The following FKTN variants were observed in gnomAD, a reference collection of about 807,000 sequenced individuals.
FKTN encodes the protein ribitol-5-phosphate transferase FKTN.
A neutral mutation model predicts 58.6 loss-of-function variants in FKTN; 47 were observed. The observed-to-expected ratio is 0.80, with a 90% CI of 0.63 to 1.02. The LOEUF (loss-of-function observed/expected upper bound fraction) is 1.02. Ranked by LOEUF, FKTN falls within the 50% of genes least tolerant of loss-of-function variation. The pLI, the probability that FKTN is intolerant of heterozygous loss-of-function variation, is 0.00. For missense variants in FKTN, 516 were observed against 537.3 expected (o/e 0.96, Z 0.39); for synonymous variants, 178 against 191.9 (o/e 0.93, Z 0.60).
At chr9:105,608,098 T>A in intron 7 of FKTN, 147 bp downstream of exon 7, 1 of 683,834 alleles carries the variant, frequency 1.5e-6, no homozygotes, top group Admixed American at 2.8e-5. Flanking sequence ...TAGATTGTTT[T>A]CTTTCAGTTT....
Position 105,636,638 on chromosome 9 carries a change from G to C in FKTN, c.*1374G>C. 1 of 1,223,732 alleles carries C rather than the reference G, an allele frequency of 8.2e-7. No homozygotes were observed. Among genetic ancestry groups the C allele is most frequent in the Non-Finnish European group, 1.1e-6 (1 of 938,430 alleles). 75.8% of individuals were successfully genotyped at this position (1,223,732 alleles called of 1,614,324 possible). On this transcript the variant is annotated 3_prime_UTR_variant, in exon 11 of 11. Coordinates refer to ENST00000357998, the MANE Select transcript of FKTN (RefSeq NM_001079802.2). The stretch of plus-strand genomic sequence containing the variant: ...AAGTGAGAGGTAAAGGAAAATGTAG[G>C]CACAATAAGCACTGCTATTTTTCTC...
At chr9:105,579,561 T>C (rs1209266835) in intron 3 of FKTN, among the ~76,000 whole-genome samples, 1 of 151,574 alleles carries the variant, frequency 6.6e-6, no homozygotes, top group Non-Finnish European at 1.5e-5. Flanking sequence ...TCTTTTACAT[T>C]TGCTGAGGAG....
In FKTN at chr9:105,639,818, C is replaced by T. The variant is rs1375677183; in HGVS notation, c.*4554C>T. ...CTCCTAATATTATCCCATATGCTAC[C>T]TAGTTTGCTGGTCCCAAGCAGTTTA... On this transcript the variant is annotated 3_prime_UTR_variant, in exon 11 of 11. Coordinates refer to ENST00000357998, the MANE Select transcript of FKTN (RefSeq NM_001079802.2). The T allele has an allele frequency of 4.8e-6, 6 of 1,240,850 alleles. No individual in the cohort carries two copies. The highest frequency in any genetic ancestry group is 3.5e-5 in the East Asian group (1 of 28,556). The allele number at this position is 1,240,850 out of a possible 1,614,324, so 76.9% of individuals were successfully genotyped here.
rs1462350693 is a variant in FKTN at position 105,639,586 on chromosome 9, C to A, written c.*4322C>A. ...TAATCTTCAAATGGAATTATAGAAA[C>A]CATGGGTCAGAACATATTCCTTTAC... On this transcript the variant is annotated 3_prime_UTR_variant, in exon 11 of 11. Transcript: ENST00000357998. 5.1e-6 allele frequency: 5 copies of A among 981,272 alleles called. No individual in the cohort carries two copies. The highest frequency in any genetic ancestry group is 6.1e-6 in the Non-Finnish European group (5 of 826,422). 60.8% of individuals were successfully genotyped at this position (981,272 alleles called of 1,614,324 possible).
rs557260826 is a variant in FKTN, at chr9:105,584,098, A to G, written c.105+8961A>G. Among the ~76,000 whole-genome samples, 4 of 152,314 alleles carry G rather than the reference A, an allele frequency of 2.6e-5. No individual in the cohort carries two copies. In the South Asian group the frequency reaches 8.3e-4, roughly 32 times the overall value. Reference sequence around the variant, plus strand: ...TTAGCTGTGGGATCTTGAGTTAATTACTTGACTTCTAAATGCCTTTGTTTC... The same window carrying G: ...TTAGCTGTGGGATCTTGAGTTAATTGCTTGACTTCTAAATGCCTTTGTTTC... On this transcript the variant is annotated intron_variant, in intron 3 of 10. Transcript: ENST00000357998.
chr9:105,563,513 C>T (rs781524342), intron 1 of FKTN, among the ~76,000 whole-genome samples: 1 of 152,164 alleles, frequency 6.6e-6, no homozygotes, highest in African/African-American at 2.4e-5. Flanking sequence ...TATCCCACGC[C>T]TGGCTCGGAG....
At chr9:105,603,376 A>G (rs544215525) in intron 5 of FKTN, among the ~76,000 whole-genome samples, 20 of 152,172 alleles carry the variant, frequency 1.3e-4, no homozygotes, top group Non-Finnish European at 2.2e-4. Flanking sequence ...GAAACAAATG[A>G]TGTTGGAAAA....
At chr9:105,581,781 C>T (rs1842975295) in intron 3 of FKTN, among the ~76,000 whole-genome samples, 1 of 152,220 alleles carries the variant, frequency 6.6e-6, no homozygotes, top group Non-Finnish European at 1.5e-5. Context: ...TGCCGCCTTG[C>T]AGTTTGATCT....
intron 7 of FKTN, among the ~76,000 whole-genome samples, chr9:105,610,301 C>T (rs1212683694): frequency 6.6e-6 from 1 of 151,994 alleles, no homozygotes; most frequent in Non-Finnish European, 1.5e-5. Flanking sequence ...GAGTTTCTCT[C>T]AGTGAACAGG....
chr9:105,575,749 G>T (rs1401445045), intron 3 of FKTN, among the ~76,000 whole-genome samples: 1 of 152,012 alleles, frequency 6.6e-6, no homozygotes, highest in Non-Finnish European at 1.5e-5. Flanking sequence ...CAATCATGGG[G>T]AAGAAAAAAA....
intron 4 of FKTN, among the ~76,000 whole-genome samples, chr9:105,600,452 T>C (rs1827670461): frequency 1.3e-5 from 2 of 152,304 alleles, no homozygotes; most frequent in South Asian, 4.1e-4. Context: ...TTCTTAGATA[T>C]TACTTATTCC....
intron 10 of FKTN, among the ~76,000 whole-genome samples, chr9:105,629,086 T>C (rs1213677975): frequency 1.3e-5 from 2 of 152,094 alleles, no homozygotes; most frequent in Admixed American, 6.6e-5. Context: ...ACCTTAAAAG[T>C]TTAAGACTGG....
At chr9:105,626,882 AGTTACTG>A (rs1832801803) in intron 10 of FKTN, among the ~76,000 whole-genome samples, 1 of 151,558 alleles carries the variant, frequency 6.6e-6, no homozygotes, top group Admixed American at 6.6e-5. Flanking sequence ...CTCTTTTGTG[AGTTACTG>A]GCTGAGTATC....
intron 3 of FKTN, among the ~76,000 whole-genome samples, chr9:105,579,433 C>T (rs1359090015): frequency 6.6e-6 from 1 of 151,872 alleles, no homozygotes; most frequent in African/African-American, 2.4e-5. Context: ...ACCCAGTAGT[C>T]ATTCAGGAGC....
chr9:105,594,631 A>G (rs1364497855), intron 3 of FKTN, among the ~76,000 whole-genome samples: 1 of 152,170 alleles, frequency 6.6e-6, no homozygotes, highest in Non-Finnish European at 1.5e-5. Flanking sequence ...CTATAGTTTC[A>G]GCTGCTAGGA....
chr9:105,604,122 T>C, intron 5 of FKTN, 93 bp from the exon 6 acceptor site: 1 of 1,316,300 alleles, frequency 7.6e-7, no homozygotes, highest in Non-Finnish European at 1.1e-6. Flanking sequence ...AAGTTCAATA[T>C]AAGAATCACT....
intron 7 of FKTN, among the ~76,000 whole-genome samples, chr9:105,612,229 G>GT (rs914657871): frequency 2.0e-5 from 3 of 151,796 alleles, no homozygotes; most frequent in African/African-American, 7.3e-5. Context: ...GGGTTGTTTG[G>GT]TTTTTTCCTT....
intron 1 of FKTN, among the ~76,000 whole-genome samples, chr9:105,566,470 C>T (rs1188739266): frequency 6.6e-6 from 1 of 152,016 alleles, no homozygotes; most frequent in African/African-American, 2.4e-5. Flanking sequence ...AAGGGGATAT[C>T]ACCACCGATC....
At chr9:105,596,142 G>A (rs1242150006) in intron 3 of FKTN, among the ~76,000 whole-genome samples, 1 of 152,104 alleles carries the variant, frequency 6.6e-6, no homozygotes, top group Admixed American at 6.6e-5. Flanking sequence ...GGATCAATGA[G>A]TATACATAAT....
Sources: gnomAD v4.1 joint callset for allele counts (sites outside exome capture counted in the v4.1 genomes callset) on GRCh38, gnomAD v4.1.1 for gene constraint, MANE v1.5 for transcripts, NCBI Gene and HGNC (gene_info 2026-07-23, HGNC 2026-07-21) for gene names.